The following IGSF10 variants were observed in gnomAD, a reference collection of about 807,000 sequenced individuals.
IGSF10 encodes the protein immunoglobulin superfamily member 10.
In IGSF10, 126 loss-of-function variants were observed where a neutral mutation model predicts 128.2. That is an observed-to-expected ratio of 0.98 (90% CI 0.85 to 1.14). The LOEUF is 1.14. Among genes scored for constraint, IGSF10 ranks in the 50% most tolerant of loss-of-function variants. The pLI, the probability that IGSF10 is intolerant of heterozygous loss-of-function variation, is 0.00. For missense variants in IGSF10, 3,295 were observed against 3,149.8 expected, an observed-to-expected ratio of 1.05 and a Z score of -1.10; for synonymous variants, 1,185 against 1,146.2, an observed-to-expected ratio of 1.03 and a Z score of -0.68.
Position 151,446,116 on chromosome 3 carries a change from G to A in IGSF10, c.3865C>T (p.Leu1289Phe). The A allele has an allele frequency of 6.2e-7, 1 of 1,614,178 alleles. No individual in the cohort carries two copies. Among genetic ancestry groups the A allele is most frequent in the Non-Finnish European group, 8.5e-7 (1 of 1,180,044 alleles). Reference sequence around the variant, plus strand: ...ATAGGGTTAAGGGGTGGGAAGGGAAGCTCCTTCTTTGTTGGAAGACTTCCA... The same window carrying A: ...ATAGGGTTAAGGGGTGGGAAGGGAAACTCCTTCTTTGTTGGAAGACTTCCA... ...NPGSLPTKKE[L>F]PFPPLNPMLP... The change falls in exon 6 of 8, where the codon CTT becomes TTT. Residue 1289 changes from leucine to phenylalanine, a missense_variant. Transcript: ENST00000282466.
chr3:151,449,948 A>G (rs748932873), intron 5 of IGSF10, among the ~76,000 whole-genome samples: 6 of 152,172 alleles, frequency 3.9e-5, no homozygotes, highest in African/African-American at 1.4e-4. Flanking sequence ...CCGTTTTATG[A>G]CTTTGGAAAC....
chr3:151,512,292 C>T, the IGSF10 span, among the ~76,000 whole-genome samples: 3 of 152,020 alleles, frequency 2.0e-5, no homozygotes, highest in Admixed American at 2.0e-4. Context: ...CAAACTAGAC[C>T]TCAGGATTAA....
chr3:151,498,687 AT>A, the IGSF10 span, among the ~76,000 whole-genome samples: 1 of 152,140 alleles, frequency 6.6e-6, no homozygotes, highest in Non-Finnish European at 1.5e-5. Flanking sequence ...AAATTTACAC[AT>A]CTTCATTTTT....
chr3:151,501,233 C>G, the IGSF10 span, among the ~76,000 whole-genome samples: 1 of 152,024 alleles, frequency 6.6e-6, no homozygotes, highest in Non-Finnish European at 1.5e-5. Context: ...AAGTTTGCCT[C>G]AAGCTTCCCT....
the IGSF10 span, among the ~76,000 whole-genome samples, chr3:151,539,275 A>ACTC: frequency 6.6e-6 from 1 of 152,182 alleles, no homozygotes; most frequent in East Asian, 1.9e-4. Flanking sequence ...GTAACCCGAG[A>ACTC]GAAGACCAGA....
the IGSF10 span, among the ~76,000 whole-genome samples, chr3:151,588,283 G>A: frequency 6.6e-6 from 1 of 152,018 alleles, no homozygotes. Context: ...TCATCATGAT[G>A]GCCTTTCTTG....
chr3:151,464,265 CTT>C (rs769391762), upstream of IGSF10, among the ~76,000 whole-genome samples: 6 of 152,296 alleles, frequency 3.9e-5, no homozygotes, highest in South Asian at 8.3e-4. Context: ...TCCTCCCCCT[CTT>C]TTTGTTACTC....
chr3:151,611,538 A>G, the IGSF10 span, among the ~76,000 whole-genome samples: 2 of 152,334 alleles, frequency 1.3e-5, no homozygotes, highest in South Asian at 4.1e-4. Context: ...CAGAACAAAA[A>G]TAATGTCTTT....
chr3:151,576,601 C>T, the IGSF10 span, among the ~76,000 whole-genome samples: 809 of 152,244 alleles, frequency 5.3e-3, 5 homozygotes, highest in African/African-American at 0.018. Context: ...GCTGATAAAA[C>T]GATGTGGTAA....
At chr3:151,550,679 C>T in the IGSF10 span, among the ~76,000 whole-genome samples, 4 of 152,068 alleles carry the variant, frequency 2.6e-5, no homozygotes, top group African/African-American at 7.2e-5. Context: ...ATTTTTTTCT[C>T]GTTTTTTACA....
the IGSF10 span, among the ~76,000 whole-genome samples, chr3:151,467,886 A>G: frequency 1.4e-3 from 219 of 151,958 alleles, 11 homozygotes; most frequent in East Asian, 0.037. Flanking sequence ...CATCTCAAAA[A>G]AAAAAAGAAA....
the IGSF10 span, among the ~76,000 whole-genome samples, chr3:151,515,649 CTCA>C: frequency 6.6e-6 from 1 of 150,884 alleles, no homozygotes; most frequent in African/African-American, 2.4e-5. Flanking sequence ...CATTCTGTGA[CTCA>C]TCATGGAGAA....
At chr3:151,570,562 G>A in the IGSF10 span, among the ~76,000 whole-genome samples, 87 of 152,240 alleles carry the variant, frequency 5.7e-4, 1 homozygote, top group Non-Finnish European at 1.2e-4. Flanking sequence ...CATATCCTTT[G>A]CTCACTTTTT....
intron 4 of IGSF10, among the ~76,000 whole-genome samples, chr3:151,456,432 G>A (rs555587447): frequency 6.6e-5 from 10 of 152,248 alleles, no homozygotes; most frequent in South Asian, 2.1e-4. Context: ...TATTGTTAGC[G>A]TCTTGAAAGC....
chr3:151,594,587 C>G, the IGSF10 span, among the ~76,000 whole-genome samples: 1 of 149,778 alleles, frequency 6.7e-6, no homozygotes, highest in Non-Finnish European at 1.5e-5. Flanking sequence ...TCCCAAAGTG[C>G]TGGGGATTAC....
the IGSF10 span, among the ~76,000 whole-genome samples, chr3:151,524,857 G>A: frequency 2.0e-5 from 3 of 152,048 alleles, no homozygotes; most frequent in Non-Finnish European, 4.4e-5. Context: ...ATTCAACTGA[G>A]TGGATTTTGA....
In IGSF10 at chr3:151,439,634, T is replaced by C. The variant is rs1019746979; in HGVS notation, c.5964-1037A>G. Among the ~76,000 whole-genome samples, 8 of 150,346 alleles carry C rather than the reference T, an allele frequency of 5.3e-5. No individual in the cohort carries two copies. In the South Asian group the frequency reaches 6.2e-4, roughly 12 times the overall value. On this transcript the variant is annotated intron_variant, in intron 7 of 7. Transcript: ENST00000282466. ...TTTTAGAAAAAAATAAATTTTACTTTGTTAGAATACCAACGCAAGGTTCCT... is the reference window on the plus strand; with the variant it reads ...TTTTAGAAAAAAATAAATTTTACTTCGTTAGAATACCAACGCAAGGTTCCT...
At chr3:151,522,198 A>C in the IGSF10 span, among the ~76,000 whole-genome samples, 1 of 152,080 alleles carries the variant, frequency 6.6e-6, no homozygotes, top group Non-Finnish European at 1.5e-5. Context: ...TCGAATCACT[A>C]ATAAATAGCT....
the IGSF10 span, among the ~76,000 whole-genome samples, chr3:151,518,024 C>T: frequency 2.6e-5 from 4 of 152,000 alleles, no homozygotes; most frequent in East Asian, 5.8e-4. Context: ...CTTTCAATGA[C>T]TAATCACTCT....
Sources: allele counts gnomAD v4.1 joint callset (sites outside exome capture counted in the v4.1 genomes callset), GRCh38; gene constraint gnomAD v4.1.1; transcripts MANE v1.5; gene names NCBI Gene and HGNC (gene_info 2026-07-23, HGNC 2026-07-21).